The following C8orf34 variants were observed in gnomAD, a reference collection of about 807,000 sequenced individuals.
C8orf34 encodes uncharacterized protein C8orf34.
A neutral mutation model predicts 68.3 loss-of-function variants in C8orf34; 65 were observed. The observed-to-expected ratio is 0.95, with a 90% CI of 0.78 to 1.17. The LOEUF (loss-of-function observed/expected upper bound fraction) is 1.17, where lower values mean the gene tolerates loss of function less well. Ranked by LOEUF, C8orf34 falls within the 50% of genes most tolerant of loss-of-function variation. The pLI is 0.00. For synonymous variants in C8orf34, 244 were observed against 241.2 expected (o/e 1.01, Z -0.11); for missense variants, 664 against 655.4 (o/e 1.01, Z -0.14).
At chr8:68,670,760 C>A (rs962760081) in intron 8 of C8orf34, among the ~76,000 whole-genome samples, 1 of 152,190 alleles carries the variant, frequency 6.6e-6, no homozygotes, top group Non-Finnish European at 1.5e-5. Flanking sequence ...TACATATGCA[C>A]ATTAATTTGT....
chr8:68,616,160 G>A (rs1406769713), intron 7 of C8orf34, among the ~76,000 whole-genome samples: 162 of 151,080 alleles, frequency 1.1e-3, no homozygotes, highest in African/African-American at 3.3e-3. Flanking sequence ...TTTTTATTGC[G>A]TCTATTTGAT....
At chr8:68,527,894 T>A (rs1815080721) in intron 6 of C8orf34, among the ~76,000 whole-genome samples, 2 of 152,208 alleles carry the variant, frequency 1.3e-5, no homozygotes, top group South Asian at 4.1e-4. Context: ...TCTTAATGGT[T>A]GTAGGATCCA....
intron 8 of C8orf34, among the ~76,000 whole-genome samples, chr8:68,644,431 AATG>A (rs1819105174): frequency 6.6e-6 from 1 of 152,164 alleles, no homozygotes; most frequent in African/African-American, 2.4e-5. Context: ...GACTGATGGT[AATG>A]ATGAAGTTCT....
At chr8:68,769,951 C>T (rs551324042) in intron 10 of C8orf34, among the ~76,000 whole-genome samples, 128 of 152,080 alleles carry the variant, frequency 8.4e-4, no homozygotes, top group Non-Finnish European at 1.1e-3. Context: ...TGAGGGGAGC[C>T]GGGGATGGCT....
chr8:68,815,836 G>A (rs371909513), intron 12 of C8orf34, 50 bp from the exon 13 acceptor site: 215 of 1,612,932 alleles, frequency 1.3e-4, no homozygotes, highest in Middle Eastern at 3.3e-4. Flanking sequence ...GTATTTAATC[G>A]ATGATTTTTC....
intron 1 of C8orf34, among the ~76,000 whole-genome samples, chr8:68,418,484 A>C (rs1255373280): frequency 4.6e-5 from 7 of 152,226 alleles, no homozygotes; most frequent in African/African-American, 1.7e-4. Context: ...TACCTAATTT[A>C]TTGAGAGTTT....
chr8:68,565,681 C>A (rs1816566645), intron 7 of C8orf34, among the ~76,000 whole-genome samples: 1 of 152,156 alleles, frequency 6.6e-6, no homozygotes, highest in Non-Finnish European at 1.5e-5. Flanking sequence ...GTGCAAAATT[C>A]ATCATAACGT....
intron 8 of C8orf34, among the ~76,000 whole-genome samples, chr8:68,681,441 T>C (rs1052746866): frequency 6.6e-6 from 1 of 152,096 alleles, no homozygotes; most frequent in Non-Finnish European, 1.5e-5. Context: ...ACCAGAGAAA[T>C]GTGAGTCAAT....
chr8:68,622,572 T>A (rs1474362923), intron 7 of C8orf34, among the ~76,000 whole-genome samples: 1 of 152,184 alleles, frequency 6.6e-6, no homozygotes, highest in South Asian at 2.1e-4. Context: ...ACTTTCATAA[T>A]AGCAAAGGCA....
intron 10 of C8orf34, among the ~76,000 whole-genome samples, chr8:68,770,685 G>A (rs1457452958): frequency 6.6e-6 from 1 of 152,046 alleles, no homozygotes; most frequent in African/African-American, 2.4e-5. Flanking sequence ...AATAAAAACG[G>A]CTTTATTTTT....
Position 68,371,039 on chromosome 8 carries a change from A to G in C8orf34, c.327+39700A>G, listed in dbSNP as rs140026578. Reference sequence around the variant, plus strand: ...TATCCCATTGCAAACAACGGCCCAGATGAGGTTAATCAGGGCCCTTGATCA... The same window carrying G: ...TATCCCATTGCAAACAACGGCCCAGGTGAGGTTAATCAGGGCCCTTGATCA... On this transcript the variant is annotated intron_variant, in intron 1 of 13. Coordinates refer to ENST00000518698, the MANE Select transcript of C8orf34 (RefSeq NM_052958.4). Among the ~76,000 whole-genome samples, 707 of 152,152 alleles carry G rather than the reference A, an allele frequency of 4.6e-3. 4 individuals are homozygous for G. Among genetic ancestry groups the G allele is most frequent in the African/African-American group, 0.016 (671 of 41,526 alleles).
At chr8:68,562,734 A>T (rs1816470628) in intron 7 of C8orf34, among the ~76,000 whole-genome samples, 1 of 152,210 alleles carries the variant, frequency 6.6e-6, no homozygotes, top group Non-Finnish European at 1.5e-5. Flanking sequence ...ACTATATTGC[A>T]TAACTTACTG....
At chr8:68,677,456 T>G (rs1218280777) in intron 8 of C8orf34, among the ~76,000 whole-genome samples, 1 of 152,046 alleles carries the variant, frequency 6.6e-6, no homozygotes, top group Non-Finnish European at 1.5e-5. Context: ...CCTCCCAAAC[T>G]CAAACAATCC....
At chr8:68,511,859 C>T (rs1814290705) in intron 5 of C8orf34, among the ~76,000 whole-genome samples, 2 of 152,122 alleles carry the variant, frequency 1.3e-5, no homozygotes, top group South Asian at 4.1e-4. Flanking sequence ...TTCCTTGACT[C>T]TGAAAAACAA....
At chr8:68,388,380 G>C (rs80264480) in intron 1 of C8orf34, among the ~76,000 whole-genome samples, 1 of 151,994 alleles carries the variant, frequency 6.6e-6, no homozygotes, top group Non-Finnish European at 1.5e-5. Flanking sequence ...GATCACCTCA[G>C]CTAGCTGAGA....
At chr8:68,381,937 A>G in intron 1 of C8orf34, among the ~76,000 whole-genome samples, 1 of 152,256 alleles carries the variant, frequency 6.6e-6, no homozygotes, top group South Asian at 2.1e-4. Flanking sequence ...ACATTTTGAT[A>G]CATATTTTCC....
chr8:68,602,407 G>A (rs1469787), intron 7 of C8orf34, among the ~76,000 whole-genome samples: 1,536 of 152,030 alleles, frequency 0.01, 22 homozygotes, highest in African/African-American at 0.034. Flanking sequence ...TGGTAGAAAG[G>A]GAAGCAAACA....
intron 1 of C8orf34, among the ~76,000 whole-genome samples, chr8:68,414,681 G>A (rs918470313): frequency 6.6e-6 from 1 of 152,050 alleles, no homozygotes; most frequent in African/African-American, 2.4e-5. Context: ...GTAGGATGAG[G>A]GTTGTCTAGA....
chr8:68,385,043 A>G (rs1281876074), intron 1 of C8orf34, among the ~76,000 whole-genome samples: 1 of 152,260 alleles, frequency 6.6e-6, no homozygotes, highest in Non-Finnish European at 1.5e-5. Flanking sequence ...CTCTTGGCTC[A>G]GTGTGGTTAT....
Sources: gnomAD v4.1 joint callset for allele counts (sites outside exome capture counted in the v4.1 genomes callset) on GRCh38, gnomAD v4.1.1 for gene constraint, MANE v1.5 for transcripts, NCBI Gene and HGNC (gene_info 2026-07-23, HGNC 2026-07-21) for gene names.